Variants in PCDHGA1 observed in about 807,000 individuals in gnomAD.
PCDHGA1 encodes protocadherin gamma-A1.
PCDHGA1 carries 32 observed loss-of-function variants against 58.0 expected under a neutral mutation model. The ratio of observed to expected loss-of-function variants is 0.55; its 90% confidence interval spans 0.42 to 0.74. PCDHGA1 has a LOEUF of 0.74. Ranked by LOEUF, PCDHGA1 falls within the 30% of genes least tolerant of loss-of-function variation. The pLI is 0.00. For missense variants in PCDHGA1, 1,205 were observed against 1,182.3 expected, an observed-to-expected ratio of 1.02 and a Z score of -0.28; for synonymous variants, 498 against 501.1, an observed-to-expected ratio of 0.99 and a Z score of 0.08.
intron 1 of PCDHGA1, chr5:141,374,444 G>T: frequency 6.2e-7 from 1 of 1,613,848 alleles, no homozygotes; most frequent in Non-Finnish European, 8.5e-7. Context: ...TCCCGTGGAA[G>T]TGGAAATAGT....
chr5:141,478,372 G>A (rs778468803), intron 1 of PCDHGA1: 2 of 1,613,704 alleles, frequency 1.2e-6, no homozygotes, highest in Non-Finnish European at 8.5e-7. Flanking sequence ...GAGGCCTGAT[G>A]TCGCCGCACC....
rs529934949 is a variant in PCDHGA1 at position 141,383,902 on chromosome 5, A to C, written c.2421+50797A>C. ...TAGTCTGACAAAGGCAAAAGTACTG[A>C]TCACAGTTTTAGATGTAAATGATAA... On this transcript the variant is annotated intron_variant, in intron 1 of 3. Coordinates refer to ENST00000517417, the MANE Select transcript of PCDHGA1 (RefSeq NM_018912.3). The C allele has an allele frequency of 4.8e-5, 77 of 1,613,976 alleles. 1 individual carries two copies. The South Asian group carries it at 7.9e-4, about 17-fold the overall frequency.
chr5:141,428,114 C>T (rs2097111703), intron 1 of PCDHGA1: 1 of 1,607,084 alleles, frequency 6.2e-7, no homozygotes, highest in Admixed American at 1.7e-5. Context: ...TGCAGGCCAT[C>T]GAGCCCGGGC....
intron 1 of PCDHGA1, chr5:141,344,877 G>A (rs768877303): frequency 6.2e-7 from 1 of 1,613,902 alleles, no homozygotes; most frequent in Non-Finnish European, 8.5e-7. Context: ...TTATATTCTA[G>A]ATAAAATGCC....
rs1384790784 is a variant in PCDHGA1, at chr5:141,431,800, G to T, written c.2422-63007G>T. 1 of 1,614,206 alleles carries T rather than the reference G, an allele frequency of 6.2e-7. No individual in the cohort carries two copies. Among genetic ancestry groups the T allele is most frequent in the African/African-American group, 1.3e-5 (1 of 75,054 alleles). ...ACGTGAACGACAATGCCCCAGAAGT[G>T]GTCCTCACCTCTCTCGCCAGCTCGG... On this transcript the variant is annotated intron_variant, in intron 1 of 3. Transcript: ENST00000517417. This position sits in a 1 kb window ranked among gnomAD's most constrained non-coding sequence, Gnocchi z 4.8.
chr5:141,345,462 C>CAGGACCCAGATAGCAACA, intron 1 of PCDHGA1: 1 of 1,614,144 alleles, frequency 6.2e-7, no homozygotes, highest in Non-Finnish European at 8.5e-7. Context: ...AGTGACAGCC[C>CAGGACCCAGATAGCAACA]AGGACCCAGA....
In PCDHGA1 at chr5:141,511,261, G is replaced by A; in HGVS notation, c.*88G>A. On this transcript the variant is annotated 3_prime_UTR_variant, in exon 4 of 4. Transcript: ENST00000517417. The stretch of plus-strand genomic sequence containing the variant: ...CTGCACCCAGGCCTCAGAGTTTCAG[G>A]GCTAACCCCCAGAATACTGGTAGGG... 2 of 1,557,474 alleles carry A rather than the reference G, an allele frequency of 1.3e-6. No homozygotes were observed. The highest frequency in any genetic ancestry group is 1.4e-5 in the African/African-American group (1 of 73,440).
chr5:141,362,652 A>G, intron 1 of PCDHGA1: 1 of 1,421,164 alleles, frequency 7.0e-7, no homozygotes. Flanking sequence ...TGTGAGTTAG[A>G]TTTGGCCAAT....
chr5:141,392,615 C>A (rs2092564205), intron 1 of PCDHGA1: 1 of 536,798 alleles, frequency 1.9e-6, no homozygotes, highest in Non-Finnish European at 3.2e-6. Context: ...CAAATGCAAC[C>A]GAAAACACTC....
intron 1 of PCDHGA1, chr5:141,418,560 A>G (rs752240769): frequency 1.2e-6 from 2 of 1,614,034 alleles, no homozygotes; most frequent in Non-Finnish European, 1.7e-6. Context: ...CTGGTAATAG[A>G]TGCCAATGAC....
chr5:141,336,498 G>A (rs914146722), intron 1 of PCDHGA1, among the ~76,000 whole-genome samples: 22 of 152,214 alleles, frequency 1.4e-4, no homozygotes, highest in East Asian at 9.6e-4. Flanking sequence ...AGGAATGGAT[G>A]AAAGTAAAAA....
intron 1 of PCDHGA1, among the ~76,000 whole-genome samples, chr5:141,451,780 C>T (rs988572200): frequency 6.6e-6 from 1 of 152,016 alleles, no homozygotes; most frequent in Non-Finnish European, 1.5e-5. Flanking sequence ...ACTCAGGAGG[C>T]TGAGGCCAGA....
intron 1 of PCDHGA1, chr5:141,395,547 TGTGTGTGTGTGTG>T (rs2093269474): frequency 0.024 from 4,142 of 174,004 alleles, 329 homozygotes; most frequent in East Asian, 0.047. Flanking sequence ...ATTGTTTGTG[TGTGTGTGTGTGTG>T]TGTGTGTGTG....
At chr5:141,372,283 G>A (rs749946527) in intron 1 of PCDHGA1, 5 of 1,613,198 alleles carry the variant, frequency 3.1e-6, no homozygotes, top group Non-Finnish European at 4.2e-6. Context: ...CGCACGGCGC[G>A]TACCTTGGGC....
At position 141,383,491 on chromosome 5, in the gene PCDHGA1, C is replaced by T. The variant is rs116533786; in HGVS notation, c.2421+50386C>T. The T allele has an allele frequency of 1.9e-6, 3 of 1,613,000 alleles. No individual in the cohort carries two copies. The highest frequency in any genetic ancestry group is 2.5e-6 in the Non-Finnish European group (3 of 1,179,496). On this transcript the variant is annotated intron_variant, in intron 1 of 3. Coordinates refer to ENST00000517417, the MANE Select transcript of PCDHGA1 (RefSeq NM_018912.3). Reference sequence around the variant, plus strand: ...TAAGTACCCGGAACTGGTGCTGGAGCGGGTGCTGGACCGGGAGGAAGAGCG... The same window carrying T: ...TAAGTACCCGGAACTGGTGCTGGAGTGGGTGCTGGACCGGGAGGAAGAGCG...
chr5:141,332,195 A>G lies in PCDHGA1; in HGVS notation c.1511A>G (p.Tyr504Cys), dbSNP rs976806701. The stretch of plus-strand genomic sequence containing the variant: ...ATCCAGGGGGCACCCCTATCTGCCT[A>G]CCTCTCCATCAACTCCGACACTGGG... ...DTIQGAPLSA[Y>C]LSINSDTGVL... Residue 504 changes from tyrosine to cysteine, a missense_variant, in exon 1 of 4, where the codon TAC (tyrosine) becomes TGC (cysteine). By Grantham distance (194) the Tyr-to-Cys change is radical. Coordinates refer to ENST00000517417, the MANE Select transcript of PCDHGA1 (RefSeq NM_018912.3). This position sits in a 1 kb window ranked among gnomAD's most constrained non-coding sequence, Gnocchi z 4.6. 3.1e-6 allele frequency: 5 copies of G among 1,614,018 alleles called. No individual in the cohort carries two copies. Among genetic ancestry groups the G allele is most frequent in the Non-Finnish European group, 4.2e-6 (5 of 1,180,000 alleles).
chr5:141,359,431 A>C (rs1429796620), intron 1 of PCDHGA1, among the ~76,000 whole-genome samples: 1 of 151,820 alleles, frequency 6.6e-6, no homozygotes, highest in African/African-American at 2.4e-5. Flanking sequence ...TAGAATGGGC[A>C]GTGGGTTTCT....
At chr5:141,394,050 G>GA (rs2092909261) in intron 1 of PCDHGA1, 4 of 1,613,594 alleles carry the variant, frequency 2.5e-6, no homozygotes, top group Non-Finnish European at 3.4e-6. Context: ...TTTGGACCGA[G>GA]AAAATGTCTC....
chr5:141,385,411 G>A, intron 1 of PCDHGA1: 1 of 1,474,668 alleles, frequency 6.8e-7, no homozygotes, highest in East Asian at 2.4e-5. Context: ...TTTGAAAATA[G>A]GGATTTAAAA....
Sources: gnomAD v4.1 joint callset for allele counts (sites outside exome capture counted in the v4.1 genomes callset) on GRCh38, gnomAD v4.1.1 for gene constraint, Gnocchi (gnomAD v3.1) non-coding constraint, MANE v1.5 for transcripts, NCBI Gene and HGNC (gene_info 2026-07-23, HGNC 2026-07-21) for gene names.